The following ZNF324B variants were observed in gnomAD, a reference collection of about 807,000 sequenced individuals.
ZNF324B encodes zinc finger protein 324B.
ZNF324B carries 7 observed loss-of-function variants against 10.6 expected under a neutral mutation model. That is an observed-to-expected ratio of 0.66 (90% CI 0.38 to 1.24). The LOEUF (loss-of-function observed/expected upper bound fraction) is 1.24, where lower values mean the gene tolerates loss of function less well. Ranked by LOEUF, ZNF324B falls within the 50% of genes most tolerant of loss-of-function variation. The pLI, the probability that ZNF324B is intolerant of heterozygous loss-of-function variation, is 0.02. For synonymous variants in ZNF324B, 316 were observed against 321.0 expected (o/e 0.98, Z 0.17); for missense variants, 640 against 764.7 (o/e 0.84, Z 1.92).
chr19:58,440,957 C>A, the ZNF324B span: 1 of 152,420 alleles, frequency 6.6e-6, no homozygotes, highest in East Asian at 1.9e-4. Context: ...AAGTATCTGC[C>A]CCAGGTCCTC....
chr19:58,449,699 CT>C (rs1939741892), upstream of ZNF324B, among the ~76,000 whole-genome samples: 1 of 152,204 alleles, frequency 6.6e-6, no homozygotes, highest in Admixed American at 6.5e-5. Context: ...CCTTTAGCCC[CT>C]TTCTTTTGGC....
In ZNF324B at chr19:58,455,244, T is replaced by C. The variant is rs780641396; in HGVS notation, c.300T>C (p.Asp100=). The C allele has an allele frequency of 1.9e-6, 3 of 1,614,180 alleles. No homozygotes were observed. The highest frequency in any genetic ancestry group is 2.5e-6 in the Non-Finnish European group (3 of 1,180,022). ...VSGEWPRAFP[D]TPPGMTTSVF... ...GAGAATGGCCACGAGCTTTCCCAGA[T>C]ACCCCACCTGGGATGACTACTAGCG... is the stretch of plus-strand genomic sequence containing the variant. The change falls in exon 4 of 4, where the codon GAT becomes GAC. Residue 100 remains aspartate (D), a synonymous_variant. Transcript: ENST00000336614. This position sits in a 1 kb window ranked among gnomAD's most constrained non-coding sequence, Gnocchi z 7.0.
At chr19:58,453,962 T>C in intron 2 of ZNF324B, 140 bp downstream of exon 2, 1 of 1,336,396 alleles carries the variant, frequency 7.5e-7, no homozygotes, top group Non-Finnish European at 1.0e-6. Context: ...ACACAAAGTT[T>C]GGTTGGGTCA....
the ZNF324B span, chr19:58,436,974 A>G: frequency 4.4e-6 from 7 of 1,606,226 alleles, no homozygotes; most frequent in Non-Finnish European, 8.5e-7. Context: ...TGGCTTTGGG[A>G]TGAACAGAGC....
the ZNF324B span, chr19:58,442,161 CT>C: frequency 0.098 from 9,344 of 94,980 alleles, 608 homozygotes; most frequent in East Asian, 0.39. Context: ...TGTTACAGTT[CT>C]TTTTTTTTTT....
rs1257459799 is a variant in ZNF324B at position 58,456,371 on chromosome 19, C to T, written c.1427C>T (p.Thr476Met). Residue 476 changes from threonine to methionine, a missense_variant, in exon 4 of 4, where the codon ACG becomes ATG. By Grantham distance (81) the Thr-to-Met change is moderately conservative. This residue lies in a region of ZNF324B where 238 missense variants were observed against 258.0 expected (regional missense o/e 0.92). Transcript: ENST00000336614. The surrounding 1 kb of genome is among the most constrained non-coding windows in gnomAD (Gnocchi z 4.7). The stretch of plus-strand genomic sequence containing the variant: ...CTGCTCAGCCACCGGCGCATTCACA[C>T]GGGCGAGAAGCCCTTCGTGTGCACG... ...AVLLSHRRIHTGEKPFVCTQC... is the reference protein window; with the variant it reads ...AVLLSHRRIHMGEKPFVCTQC... 4 of 1,612,762 alleles carry T rather than the reference C, an allele frequency of 2.5e-6. No individual in the cohort carries two copies. Among genetic ancestry groups the T allele is most frequent in the African/African-American group, 2.7e-5 (2 of 74,948 alleles).
At position 58,455,173 on chromosome 19, in the gene ZNF324B, C is replaced by A; in HGVS notation, c.239-10C>A. ...GATGCCCCAGGCAACCACCGTTTCT[C>A]TGCGTTTAGGTTCCTGGAGTTTGAC... On this transcript the variant is annotated splice_polypyrimidine_tract_variant and intron_variant, in intron 3 of 3. Transcript: ENST00000336614. This position sits in a 1 kb window ranked among gnomAD's most constrained non-coding sequence, Gnocchi z 7.0. The A allele has an allele frequency of 6.2e-7, 1 of 1,614,092 alleles. No homozygotes were observed.
the ZNF324B span, among the ~76,000 whole-genome samples, chr19:58,420,090 T>C: frequency 1.3e-5 from 2 of 152,272 alleles, no homozygotes; most frequent in African/African-American, 2.4e-5. Context: ...GAAACCAGCC[T>C]GGCCAACATG....
intron 1 of ZNF324B, chr19:58,452,347 G>GA (rs67308953): frequency 0.53 from 79,754 of 150,278 alleles, 22,704 homozygotes; most frequent in African/African-American, 0.77. Context: ...GGGAGACATA[G>GA]AAGTTTTGAA....
chr19:58,435,311 C>T, the ZNF324B span: 3 of 1,375,734 alleles, frequency 2.2e-6, no homozygotes, highest in Non-Finnish European at 2.9e-6. Flanking sequence ...AAGAAGAGGT[C>T]CCAGGGATTG....
intron 2 of ZNF324B, 35 bp from the exon 3 acceptor site, chr19:58,454,193 C>A: frequency 1.4e-6 from 2 of 1,455,478 alleles, no homozygotes; most frequent in South Asian, 1.1e-5. Flanking sequence ...GTTGTCTTGA[C>A]CTGGGGCTGG....
At chr19:58,427,394 C>T in the ZNF324B span, among the ~76,000 whole-genome samples, 1 of 54,306 alleles carries the variant, frequency 1.8e-5, no homozygotes, top group Non-Finnish European at 3.3e-5. Flanking sequence ...TTCTTTCTTT[C>T]TTTCTTTCTT....
intron 1 of ZNF324B, among the ~76,000 whole-genome samples, chr19:58,453,427 T>TG (rs2052881348): frequency 6.6e-6 from 1 of 152,150 alleles, no homozygotes; most frequent in Non-Finnish European, 1.5e-5. Flanking sequence ...GCCCTTGGTG[T>TG]GGCAGCTAAG....
At position 58,455,438 on chromosome 19, in the gene ZNF324B, C is replaced by G; in HGVS notation, c.494C>G (p.Pro165Arg). ...AGCATCAGCCTGCGACTGACCTCCCCACTCAGGCCCCCCAAGAGCAGCCGG... is the reference window on the plus strand; with the variant it reads ...AGCATCAGCCTGCGACTGACCTCCCGACTCAGGCCCCCCAAGAGCAGCCGG... ...QASISLRLTS[P>R]LRPPKSSRPR... Residue 165 changes from proline to arginine, a missense_variant, in exon 4 of 4, where the codon CCA becomes CGA. Physicochemically the swap from Pro to Arg is moderately radical, Grantham distance 103. Around this residue, in one of 3 missense-constraint regions of ZNF324B, gnomAD observed 345 missense variants for 387.9 expected, o/e 0.89. Transcript: ENST00000336614. The surrounding 1 kb of genome is among the most constrained non-coding windows in gnomAD (Gnocchi z 7.0). The G allele has an allele frequency of 1.2e-6, 2 of 1,614,172 alleles. No homozygotes were observed. The highest frequency in any genetic ancestry group is 1.1e-5 in the South Asian group (1 of 91,084).
At chr19:58,449,503 C>T (rs2052841155), upstream of ZNF324B, among the ~76,000 whole-genome samples, 1 of 152,196 alleles carries the variant, frequency 6.6e-6, no homozygotes, top group Non-Finnish European at 1.5e-5. Context: ...AGACACTCAA[C>T]ACCAGCCCAT....
At chr19:58,437,626 T>A in the ZNF324B span, 1 of 876,488 alleles carries the variant, frequency 1.1e-6, no homozygotes, top group South Asian at 5.2e-5. Context: ...CTCTCACCTT[T>A]ACATGTCACT....
the ZNF324B span, chr19:58,434,604 A>G: frequency 2.7e-5 from 43 of 1,614,142 alleles, no homozygotes; most frequent in Middle Eastern, 3.3e-4. Flanking sequence ...ACTTTTTATT[A>G]CCAAGGATTG....
the ZNF324B span, among the ~76,000 whole-genome samples, chr19:58,422,470 T>A: frequency 6.6e-6 from 1 of 152,204 alleles, no homozygotes; most frequent in East Asian, 1.9e-4. Context: ...AAGTTGTTCC[T>A]GTTTGCAGAT....
chr19:58,423,573 C>T, the ZNF324B span, among the ~76,000 whole-genome samples: 3 of 152,152 alleles, frequency 2.0e-5, no homozygotes, highest in Non-Finnish European at 4.4e-5. Flanking sequence ...AAAAAGTTCT[C>T]AGAGCTTTGT....
Sources: allele counts gnomAD v4.1 joint callset (sites outside exome capture counted in the v4.1 genomes callset), GRCh38; gene constraint gnomAD v4.1.1; regional missense constraint gnomAD v4.1.1; non-coding constraint Gnocchi (gnomAD v3.1); transcripts MANE v1.5; gene names NCBI Gene and HGNC (gene_info 2026-07-23, HGNC 2026-07-21).